NFIB: variants seen among roughly 807,000 people sequenced by gnomAD.
The protein encoded by NFIB is nuclear factor I B.
NFIB carries 11 observed loss-of-function variants against 61.5 expected under a neutral mutation model. The observed-to-expected ratio is 0.18, with a 90% CI of 0.11 to 0.30. The LOEUF (loss-of-function observed/expected upper bound fraction) is 0.30. NFIB is among the 10% of genes least tolerant of loss of function. The probability of loss-of-function intolerance (pLI) is 1.00; values close to 1 mark genes in which losing one functional copy is unlikely to be tolerated. For synonymous variants in NFIB, 260 were observed against 216.5 expected (o/e 1.20, Z -1.76); for missense variants, 471 against 608.9 (o/e 0.77, Z 2.38).
upstream of NFIB, among the ~76,000 whole-genome samples, chr9:14,403,250 G>C (rs1397035431): frequency 6.6e-6 from 1 of 152,196 alleles, no homozygotes; most frequent in African/African-American, 2.4e-5. Flanking sequence ...CTCAGGCCAA[G>C]ATGAGCCATG....
the NFIB span, among the ~76,000 whole-genome samples, chr9:14,424,488 G>A: frequency 2.6e-5 from 4 of 152,172 alleles, no homozygotes; most frequent in Non-Finnish European, 5.9e-5. Context: ...AAACTTATTC[G>A]AGCTTGAAAC....
chr9:14,416,173 A>G, the NFIB span, among the ~76,000 whole-genome samples: 2 of 152,252 alleles, frequency 1.3e-5, no homozygotes, highest in African/African-American at 4.8e-5. Flanking sequence ...TTTTAGGTCA[A>G]TGTCAAACCA....
the NFIB span, among the ~76,000 whole-genome samples, chr9:14,478,932 G>C: frequency 6.6e-6 from 1 of 152,132 alleles, no homozygotes; most frequent in Non-Finnish European, 1.5e-5. Flanking sequence ...CCCATCACCA[G>C]GGTGCACACT....
intron 3 of NFIB, among the ~76,000 whole-genome samples, chr9:14,172,270 CA>C (rs1240240237): frequency 6.6e-6 from 1 of 151,986 alleles, no homozygotes; most frequent in Non-Finnish European, 1.5e-5. Flanking sequence ...GGGGTTTGTC[CA>C]AATGAGGAAC....
the NFIB span, among the ~76,000 whole-genome samples, chr9:14,456,222 T>TTA: frequency 1.3e-5 from 2 of 150,734 alleles, no homozygotes; most frequent in Admixed American, 6.6e-5. Context: ...TTTTTTTTTT[T>TTA]ATCATTTAAG....
the NFIB span, among the ~76,000 whole-genome samples, chr9:14,425,855 G>T: frequency 6.6e-6 from 1 of 152,024 alleles, no homozygotes; most frequent in Non-Finnish European, 1.5e-5. Flanking sequence ...TTGAATGAAT[G>T]AATGAAATAC....
the NFIB span, among the ~76,000 whole-genome samples, chr9:14,484,390 G>T: frequency 6.6e-6 from 1 of 152,094 alleles, no homozygotes; most frequent in Non-Finnish European, 1.5e-5. Context: ...AGATTCTTAT[G>T]GCATATATCC....
At chr9:14,327,516 G>C (rs1018248220) in intron 1 of NFIB, among the ~76,000 whole-genome samples, 1 of 152,112 alleles carries the variant, frequency 6.6e-6, no homozygotes, top group African/African-American at 2.4e-5. Context: ...CCTTGGGCTG[G>C]GTGCTGCCAT....
chr9:14,385,441 T>C (rs2061538575), intron 1 of NFIB, among the ~76,000 whole-genome samples: 1 of 152,228 alleles, frequency 6.6e-6, no homozygotes, highest in Non-Finnish European at 1.5e-5. Context: ...AAAACACATA[T>C]TATTTGTAAA....
intron 1 of NFIB, among the ~76,000 whole-genome samples, chr9:14,372,138 A>G (rs113839915): frequency 1.3e-5 from 2 of 152,022 alleles, no homozygotes; most frequent in African/African-American, 4.8e-5. Context: ...GGAGATAGAT[A>G]TTTCCATACC....
chr9:14,211,268 A>G (rs1402884725), intron 2 of NFIB, among the ~76,000 whole-genome samples: 2 of 152,198 alleles, frequency 1.3e-5, no homozygotes, highest in Non-Finnish European at 1.5e-5. Context: ...TTAGAATTCA[A>G]TTTTAAAAAC....
At chr9:14,091,453 A>C (rs1284590477) in intron 10 of NFIB, among the ~76,000 whole-genome samples, 1 of 152,070 alleles carries the variant, frequency 6.6e-6, no homozygotes, top group Non-Finnish European at 1.5e-5. Flanking sequence ...TGGATAAAAT[A>C]AACACACAAA....
At chr9:14,201,972 A>G (rs2049085455) in intron 2 of NFIB, among the ~76,000 whole-genome samples, 1 of 152,168 alleles carries the variant, frequency 6.6e-6, no homozygotes, top group African/African-American at 2.4e-5. Flanking sequence ...AACAGTCAAT[A>G]AAAGATGATT....
At chr9:14,494,427 C>T in the NFIB span, among the ~76,000 whole-genome samples, 2 of 152,134 alleles carry the variant, frequency 1.3e-5, no homozygotes, top group Non-Finnish European at 2.9e-5. Flanking sequence ...TTCTATTTTC[C>T]ACCAGCACTG....
chr9:14,343,398 G>C (rs538649712), intron 1 of NFIB, among the ~76,000 whole-genome samples: 1 of 152,224 alleles, frequency 6.6e-6, no homozygotes, highest in East Asian at 1.9e-4. Flanking sequence ...TGGATACTCA[G>C]CCTCACCCTT....
At chr9:14,418,562 G>A in the NFIB span, among the ~76,000 whole-genome samples, 1 of 152,160 alleles carries the variant, frequency 6.6e-6, no homozygotes, top group Non-Finnish European at 1.5e-5. Flanking sequence ...GAAACTCAGT[G>A]CACCATCCTA....
chr9:14,237,301 A>G (rs922383655), intron 2 of NFIB, among the ~76,000 whole-genome samples: 2 of 152,148 alleles, frequency 1.3e-5, no homozygotes, highest in Non-Finnish European at 2.9e-5. Flanking sequence ...ATCTCATCCT[A>G]TTGATTTACT....
At chr9:14,286,916 A>G (rs944003533) in intron 2 of NFIB, among the ~76,000 whole-genome samples, 17 of 152,220 alleles carry the variant, frequency 1.1e-4, no homozygotes, top group African/African-American at 3.9e-4. Flanking sequence ...ACTGAACTAA[A>G]GAATCAACAA....
chr9:14,269,816 G>A (rs1156666713), intron 2 of NFIB, among the ~76,000 whole-genome samples: 1 of 151,916 alleles, frequency 6.6e-6, no homozygotes, highest in East Asian at 1.9e-4. Flanking sequence ...TAACAAAATC[G>A]CAGTCACCCT....
Sources: allele counts gnomAD v4.1 joint callset (sites outside exome capture counted in the v4.1 genomes callset), GRCh38; gene constraint gnomAD v4.1.1; transcripts MANE v1.5; gene names NCBI Gene and HGNC (gene_info 2026-07-23, HGNC 2026-07-21).